FSTL4: variants seen among roughly 807,000 people sequenced by gnomAD.
The protein encoded by FSTL4 is follistatin-related protein 4.
A neutral mutation model predicts 78.2 loss-of-function variants in FSTL4; 28 were observed. The observed-to-expected ratio is 0.36, with a 90% CI of 0.27 to 0.49. The LOEUF (loss-of-function observed/expected upper bound fraction) is 0.49. Ranked by LOEUF, FSTL4 falls within the 20% of genes least tolerant of loss-of-function variation. The pLI is 0.98. For synonymous variants in FSTL4, 422 were observed against 440.5 expected (o/e 0.96, Z 0.53); for missense variants, 922 against 1,084.9 (o/e 0.85, Z 2.11).
intron 4 of FSTL4, among the ~76,000 whole-genome samples, chr5:133,343,181 G>A (rs1293910059): frequency 6.6e-6 from 1 of 152,176 alleles, no homozygotes; most frequent in Non-Finnish European, 1.5e-5. Flanking sequence ...GGTAAAGCAG[G>A]GTGCGGATTC....
intron 3 of FSTL4, among the ~76,000 whole-genome samples, chr5:133,514,178 CAATGATAAT>C (rs1362952900): frequency 0.032 from 4,150 of 131,014 alleles, 120 homozygotes; most frequent in African/African-American, 0.068. Flanking sequence ...GACTCCGTCT[CAATGATAAT>C]AATAATAATA....
chr5:133,377,991 T>C (rs1218240982), intron 4 of FSTL4, among the ~76,000 whole-genome samples: 1 of 152,146 alleles, frequency 6.6e-6, no homozygotes, highest in African/African-American at 2.4e-5. Flanking sequence ...TGGAATGACA[T>C]ATTCAATGTG....
chr5:133,653,120 G>A, the FSTL4 span, among the ~76,000 whole-genome samples: 1 of 152,150 alleles, frequency 6.6e-6, no homozygotes, highest in Non-Finnish European at 1.5e-5. Flanking sequence ...ACACCACAGA[G>A]CCCAGGCATG....
chr5:133,664,760 T>A, the FSTL4 span, among the ~76,000 whole-genome samples: 1 of 152,116 alleles, frequency 6.6e-6, no homozygotes, highest in Non-Finnish European at 1.5e-5. Flanking sequence ...CTGTCAGGGG[T>A]TTTATTTGCT....
chr5:133,275,582 A>T (rs1752865393), intron 6 of FSTL4, among the ~76,000 whole-genome samples: 1 of 151,490 alleles, frequency 6.6e-6, no homozygotes, highest in Non-Finnish European at 1.5e-5. Flanking sequence ...AAAAAAAGGA[A>T]TTTCAAGATG....
At chr5:133,744,271 G>GT in the FSTL4 span, among the ~76,000 whole-genome samples, 1 of 152,146 alleles carries the variant, frequency 6.6e-6, no homozygotes, top group Non-Finnish European at 1.5e-5. Context: ...TGAAACTACT[G>GT]TGTTTATTAA....
chr5:133,699,536 C>G, the FSTL4 span, among the ~76,000 whole-genome samples: 2 of 151,908 alleles, frequency 1.3e-5, no homozygotes, highest in African/African-American at 4.8e-5. Context: ...TAGGTACTTC[C>G]CCAGGGAGTA....
chr5:133,302,859 T>C (rs1345020868), intron 6 of FSTL4, among the ~76,000 whole-genome samples: 1 of 152,234 alleles, frequency 6.6e-6, no homozygotes, highest in East Asian at 1.9e-4. Context: ...ATTTTCTCTT[T>C]ACTACAACTT....
At chr5:133,623,215 T>C in the FSTL4 span, among the ~76,000 whole-genome samples, 2 of 152,040 alleles carry the variant, frequency 1.3e-5, no homozygotes, top group Non-Finnish European at 2.9e-5. Flanking sequence ...CAAAACAATC[T>C]TTTAATAGAA....
intron 3 of FSTL4, among the ~76,000 whole-genome samples, chr5:133,520,686 C>T (rs1204111033): frequency 2.6e-5 from 4 of 152,074 alleles, no homozygotes; most frequent in Non-Finnish European, 5.9e-5. Context: ...AGCAGGGTTG[C>T]TTTTATGAAA....
chr5:133,653,945 C>T, the FSTL4 span, among the ~76,000 whole-genome samples: 6 of 152,206 alleles, frequency 3.9e-5, no homozygotes, highest in African/African-American at 1.4e-4. Flanking sequence ...TTCTTTATTC[C>T]TTCATTCCTT....
chr5:133,225,685 G>T lies in FSTL4; in HGVS notation c.1150C>A (p.Gln384Lys). ...WLKNGVDVST[Q>K]MSKQLSLLAN... The stretch of plus-strand genomic sequence containing the variant: ...AAAAGGGAGAGCTGTTTGGACATCT[G>T]AGTTGAGACATCCACGCCGTTTTTC... The change falls in exon 9 of 16, where the codon CAG becomes AAG. Residue 384 changes from glutamine (Q) to lysine (K), a missense_variant. Coordinates refer to ENST00000265342, the MANE Select transcript of FSTL4 (RefSeq NM_015082.2). This position sits in a 1 kb window ranked among gnomAD's most constrained non-coding sequence, Gnocchi z 4.6. The T allele has an allele frequency of 6.2e-7, 1 of 1,609,318 alleles. No individual in the cohort carries two copies. The highest frequency in any genetic ancestry group is 8.5e-7 in the Non-Finnish European group (1 of 1,177,598).
chr5:133,773,600 TC>T, the FSTL4 span, among the ~76,000 whole-genome samples: 2 of 152,204 alleles, frequency 1.3e-5, no homozygotes, highest in Non-Finnish European at 1.5e-5. Flanking sequence ...TTTCTTTGGG[TC>T]CCAGTAACAG....
At chr5:133,682,035 T>C in the FSTL4 span, among the ~76,000 whole-genome samples, 3 of 152,190 alleles carry the variant, frequency 2.0e-5, no homozygotes, top group Admixed American at 1.3e-4. Flanking sequence ...GAGGGTAGGC[T>C]GGGCAAGTGA....
At chr5:133,207,239 C>T (rs1178268886) in intron 14 of FSTL4, among the ~76,000 whole-genome samples, 2 of 152,158 alleles carry the variant, frequency 1.3e-5, no homozygotes, top group Non-Finnish European at 2.9e-5. Flanking sequence ...ATGTTAATCA[C>T]TCTTGTTTTA....
chr5:133,811,463 A>G, the FSTL4 span, among the ~76,000 whole-genome samples: 1 of 152,092 alleles, frequency 6.6e-6, no homozygotes, highest in Non-Finnish European at 1.5e-5. Context: ...ACACCCTGGG[A>G]CTCAGCCAGC....
the FSTL4 span, among the ~76,000 whole-genome samples, chr5:133,750,760 G>A: frequency 1.3e-5 from 2 of 152,192 alleles, no homozygotes; most frequent in Admixed American, 1.3e-4. Context: ...CACAGGGTGG[G>A]CCTCAATAAT....
chr5:133,826,415 C>T, the FSTL4 span, among the ~76,000 whole-genome samples: 1,317 of 152,308 alleles, frequency 8.6e-3, 32 homozygotes, highest in African/African-American at 0.03. Context: ...AGTTCTGAAG[C>T]CCAGAAGCCC....
At chr5:133,704,152 C>T in the FSTL4 span, among the ~76,000 whole-genome samples, 1 of 152,140 alleles carries the variant, frequency 6.6e-6, no homozygotes, top group African/African-American at 2.4e-5. Context: ...AGAGGGCCCT[C>T]TCTGGAGTTC....
Sources: gnomAD v4.1 joint callset for allele counts (sites outside exome capture counted in the v4.1 genomes callset) on GRCh38, gnomAD v4.1.1 for gene constraint, Gnocchi (gnomAD v3.1) non-coding constraint, MANE v1.5 for transcripts, NCBI Gene and HGNC (gene_info 2026-07-23, HGNC 2026-07-21) for gene names.